ACER3: variants seen among roughly 807,000 people sequenced by gnomAD.
ACER3 encodes alkaline ceramidase 3, also known as alkCDase 3.
In ACER3, 16 loss-of-function variants were observed where a neutral mutation model predicts 48.9. The ratio of observed to expected loss-of-function variants is 0.33; its 90% CI spans 0.22 to 0.50. The LOEUF (loss-of-function observed/expected upper bound fraction) is 0.50, where lower values mean the gene tolerates loss of function less well. ACER3 is among the 20% of genes least tolerant of loss of function. ACER3 has a pLI of 0.98. For synonymous variants in ACER3, 109 were observed against 107.8 expected (o/e 1.01, Z -0.07); for missense variants, 227 against 326.0 (o/e 0.70, Z 2.34).
At chr11:76,954,530 A>G (rs751543211) in intron 2 of ACER3, among the ~76,000 whole-genome samples, 13 of 151,182 alleles carry the variant, frequency 8.6e-5, no homozygotes, top group Non-Finnish European at 1.6e-4. Context: ...TATTCTTTGC[A>G]TTGATTCTCA....
At chr11:76,968,831 AT>A (rs1948215273) in intron 3 of ACER3, among the ~76,000 whole-genome samples, 2 of 152,254 alleles carry the variant, frequency 1.3e-5, no homozygotes, top group Non-Finnish European at 2.9e-5. Context: ...ACCTAAAACT[AT>A]AAAAACCCTA....
At chr11:76,933,380 T>TA (rs1278769504) in intron 2 of ACER3, among the ~76,000 whole-genome samples, 4 of 146,662 alleles carry the variant, frequency 2.7e-5, no homozygotes, top group Non-Finnish European at 6.1e-5. Context: ...GGTCAGCAGA[T>TA]AAACAAGTGA....
chr11:76,884,254 T>A (rs1213260316), intron 1 of ACER3, among the ~76,000 whole-genome samples: 1 of 152,110 alleles, frequency 6.6e-6, no homozygotes, highest in Non-Finnish European at 1.5e-5. Flanking sequence ...TTTTTTTTCC[T>A]TGCACCAAAG....
chr11:76,868,355 CA>C (rs1479448973), intron 1 of ACER3: 1 of 1,118,012 alleles, frequency 8.9e-7, no homozygotes, highest in Non-Finnish European at 1.2e-6. Flanking sequence ...ATTGAGTGTA[CA>C]AAAGAGTTTA....
At chr11:76,971,793 A>G (rs570195502) in intron 3 of ACER3, among the ~76,000 whole-genome samples, 3 of 152,292 alleles carry the variant, frequency 2.0e-5, no homozygotes, top group Admixed American at 1.3e-4. Context: ...TATATGGATG[A>G]AACTTCATGG....
intron 1 of ACER3, among the ~76,000 whole-genome samples, chr11:76,898,631 G>A (rs370893852): frequency 3.3e-5 from 5 of 150,948 alleles, no homozygotes; most frequent in South Asian, 4.2e-4. Context: ...GTGGCCGGGC[G>A]CGGTGGCTCA....
intron 1 of ACER3, among the ~76,000 whole-genome samples, chr11:76,866,664 A>G (rs1419667744): frequency 6.6e-6 from 1 of 152,210 alleles, no homozygotes; most frequent in Non-Finnish European, 1.5e-5. Flanking sequence ...CTGTATTTCT[A>G]ATCCTCAGAA....
At chr11:76,981,422 T>A (rs758142823) in intron 4 of ACER3, among the ~76,000 whole-genome samples, 3 of 152,212 alleles carry the variant, frequency 2.0e-5, no homozygotes, top group Non-Finnish European at 4.4e-5. Flanking sequence ...TTTAAGTGTA[T>A]GGTTTGATGA....
At chr11:76,861,195 G>C in intron 1 of ACER3, 116 bp downstream of exon 1, 1 of 1,080,878 alleles carries the variant, frequency 9.3e-7, no homozygotes, top group East Asian at 3.1e-5. Flanking sequence ...GCCTGGCCCC[G>C]GGAGCTGGAA....
At chr11:76,970,028 G>T (rs1197833193) in intron 3 of ACER3, among the ~76,000 whole-genome samples, 1 of 151,788 alleles carries the variant, frequency 6.6e-6, no homozygotes, top group Non-Finnish European at 1.5e-5. Context: ...AGCTTTCATG[G>T]CTACCTTGCA....
intron 1 of ACER3, among the ~76,000 whole-genome samples, chr11:76,863,693 A>G (rs1404783765): frequency 3.3e-5 from 5 of 152,244 alleles, no homozygotes; most frequent in Admixed American, 1.3e-4. Flanking sequence ...AATAATAGCT[A>G]TTATCTAAGT....
chr11:77,003,773 T>C (rs1949080515), intron 7 of ACER3, among the ~76,000 whole-genome samples: 1 of 152,244 alleles, frequency 6.6e-6, no homozygotes, highest in African/African-American at 2.4e-5. Flanking sequence ...ATGTACTTTT[T>C]AAAATTTCTC....
chr11:76,965,783 T>C (rs1948121043), intron 3 of ACER3, among the ~76,000 whole-genome samples: 1 of 151,212 alleles, frequency 6.6e-6, no homozygotes, highest in Non-Finnish European at 1.5e-5. Flanking sequence ...CCACCAGCCC[T>C]GCCCTAAAAG....
chr11:76,980,521 T>C (rs903891517), intron 4 of ACER3, among the ~76,000 whole-genome samples: 2 of 151,724 alleles, frequency 1.3e-5, no homozygotes, highest in Non-Finnish European at 2.9e-5. Context: ...TACAAAAAAA[T>C]TAAAAAATTA....
At chr11:76,898,174 T>C (rs1945983102) in intron 1 of ACER3, among the ~76,000 whole-genome samples, 1 of 152,166 alleles carries the variant, frequency 6.6e-6, no homozygotes, top group Admixed American at 6.6e-5. Flanking sequence ...AAATGTGCCA[T>C]TAGTGTAAAT....
At chr11:76,967,239 C>T (rs372669991) in intron 3 of ACER3, among the ~76,000 whole-genome samples, 1 of 152,026 alleles carries the variant, frequency 6.6e-6, no homozygotes. Flanking sequence ...ACACATACAC[C>T]CTCCCAAGAC....
At chr11:76,893,759 T>C (rs1194261622) in intron 1 of ACER3, among the ~76,000 whole-genome samples, 1 of 152,274 alleles carries the variant, frequency 6.6e-6, no homozygotes, top group Non-Finnish European at 1.5e-5. Context: ...TTTTGGTTAA[T>C]GGCTTTCTTA....
intron 1 of ACER3, among the ~76,000 whole-genome samples, chr11:76,910,609 G>A (rs780157219): frequency 5.9e-5 from 9 of 152,072 alleles, no homozygotes; most frequent in Middle Eastern, 3.4e-3. Context: ...TAAACATTTC[G>A]CCAAAGAAAA....
intron 1 of ACER3, among the ~76,000 whole-genome samples, chr11:76,907,164 T>G (rs1486739861): frequency 6.6e-6 from 1 of 152,336 alleles, no homozygotes; most frequent in Non-Finnish European, 1.5e-5. Flanking sequence ...CCTATCACTT[T>G]AAAGTGAATC....
Sources: allele counts gnomAD v4.1 joint callset (sites outside exome capture counted in the v4.1 genomes callset), GRCh38; gene constraint gnomAD v4.1.1; transcripts MANE v1.5; gene names NCBI Gene and HGNC (gene_info 2026-07-23, HGNC 2026-07-21).